Variants in PLCB1 observed in about 807,000 individuals in gnomAD.
The protein encoded by PLCB1 is phospholipase C beta 1, also known as 1-phosphatidylinositol 4,5-bisphosphate phosphodiesterase beta-1.
PLCB1 carries 46 observed loss-of-function variants against 161.8 expected under a neutral mutation model. The ratio of observed to expected loss-of-function variants is 0.28; its 90% CI spans 0.22 to 0.36. The LOEUF (loss-of-function observed/expected upper bound fraction) is 0.36. Among genes scored for constraint, PLCB1 ranks in the 10% least tolerant of loss-of-function variants. The probability of loss-of-function intolerance (pLI) is 1.00; values close to 1 mark genes in which losing one functional copy is unlikely to be tolerated. For synonymous variants in PLCB1, 517 were observed against 503.7 expected, an observed-to-expected ratio of 1.03 and a Z score of -0.35; for missense variants, 1,016 against 1,472.5, an observed-to-expected ratio of 0.69 and a Z score of 5.07.
In PLCB1 at chr20:8,770,195, G is replaced by A. The variant is rs572786420; in HGVS notation, c.2931-4344G>A. On this transcript the variant is annotated intron_variant, in intron 26 of 31. Coordinates refer to ENST00000338037, the MANE Select transcript of PLCB1 (RefSeq NM_015192.4). ...CCTCGATCTCCTGACCTCGTGATCC[G>A]CCCACCTCGGCCTCCCAAAGTGCTG... Among the ~76,000 whole-genome samples, 387 of 152,032 alleles carry A rather than the reference G, an allele frequency of 2.5e-3. 1 individual carries two copies. The highest frequency in any genetic ancestry group is 3.5e-3 in the Non-Finnish European group (238 of 67,974).
chr20:8,588,971 C>T (rs895120037), intron 3 of PLCB1, among the ~76,000 whole-genome samples: 4 of 152,142 alleles, frequency 2.6e-5, no homozygotes, highest in Admixed American at 1.3e-4. Context: ...AAACACATAT[C>T]GGACAAGACA....
chr20:8,516,618 G>A (rs960250822), intron 3 of PLCB1, among the ~76,000 whole-genome samples: 4 of 143,544 alleles, frequency 2.8e-5, no homozygotes, highest in Non-Finnish European at 6.0e-5. Context: ...CATTGGAATT[G>A]CATGGTTTCT....
intron 26 of PLCB1, among the ~76,000 whole-genome samples, chr20:8,771,201 T>G (rs1982660324): frequency 6.6e-6 from 1 of 152,236 alleles, no homozygotes; most frequent in South Asian, 2.1e-4. Context: ...TAAAAAAGAA[T>G]GTAAAATAGC....
At chr20:8,336,302 G>T (rs141380978) in intron 2 of PLCB1, among the ~76,000 whole-genome samples, 3 of 152,234 alleles carry the variant, frequency 2.0e-5, no homozygotes, top group African/African-American at 7.2e-5. Flanking sequence ...TTAATTATGC[G>T]TATATATTTA....
chr20:8,482,797 A>G (rs1012066571), intron 3 of PLCB1, among the ~76,000 whole-genome samples: 1 of 152,236 alleles, frequency 6.6e-6, no homozygotes, highest in Non-Finnish European at 1.5e-5. Context: ...GTAGATTTTG[A>G]AAACTTATGC....
At chr20:8,454,001 C>A (rs1247001796) in intron 3 of PLCB1, among the ~76,000 whole-genome samples, 2 of 152,168 alleles carry the variant, frequency 1.3e-5, no homozygotes, top group African/African-American at 4.8e-5. Flanking sequence ...ACTCTGTGCA[C>A]ACACAGAGGA....
At chr20:8,179,435 A>G (rs1276745954) in intron 2 of PLCB1, among the ~76,000 whole-genome samples, 1 of 152,018 alleles carries the variant, frequency 6.6e-6, no homozygotes, top group Non-Finnish European at 1.5e-5. Flanking sequence ...GGCTCTCAGC[A>G]TTGATATTGT....
intron 2 of PLCB1, among the ~76,000 whole-genome samples, chr20:8,272,296 A>G (rs1328452002): frequency 1.3e-5 from 2 of 152,140 alleles, no homozygotes; most frequent in Non-Finnish European, 2.9e-5. Flanking sequence ...GGATTAGACT[A>G]GGGTAATATT....
At chr20:8,852,377 G>C (rs1444997320) in intron 31 of PLCB1, among the ~76,000 whole-genome samples, 1 of 152,134 alleles carries the variant, frequency 6.6e-6, no homozygotes, top group African/African-American at 2.4e-5. Context: ...GTCCAATCCA[G>C]TCTGAGTCTA....
At chr20:8,640,635 G>T (rs1988922104) in intron 4 of PLCB1, among the ~76,000 whole-genome samples, 1 of 152,166 alleles carries the variant, frequency 6.6e-6, no homozygotes, top group Non-Finnish European at 1.5e-5. Flanking sequence ...ATGAAACTTT[G>T]GGGGTTCTGT....
At chr20:8,601,439 A>C (rs149682385) in intron 3 of PLCB1, among the ~76,000 whole-genome samples, 1 of 152,172 alleles carries the variant, frequency 6.6e-6, no homozygotes, top group East Asian at 1.9e-4. Context: ...TGTTCTCATT[A>C]TTTAGCTCCC....
Position 8,367,929 on chromosome 20 carries a change from C to T in PLCB1, c.178-3453C>T, listed in dbSNP as rs6516371. On this transcript the variant is annotated intron_variant, in intron 2 of 31. Transcript: ENST00000338037. Reference sequence around the variant, plus strand: ...GTGGGAGACACTATTTGAATCATCGCTTTGTAGCCAAATGAGTTCATGGAC... The same window carrying T: ...GTGGGAGACACTATTTGAATCATCGTTTTGTAGCCAAATGAGTTCATGGAC... 4.2e-3 allele frequency among the ~76,000 whole-genome samples: 644 copies of T among 152,262 alleles called. 4 individuals are homozygous for T. The highest frequency in any genetic ancestry group is 0.014 in the African/African-American group (602 of 41,544).
intron 3 of PLCB1, among the ~76,000 whole-genome samples, chr20:8,610,671 C>T (rs1244637559): frequency 6.6e-6 from 1 of 151,850 alleles, no homozygotes. Flanking sequence ...GTCTTTTTAC[C>T]TTCTTGATAG....
intron 31 of PLCB1, among the ~76,000 whole-genome samples, chr20:8,857,027 C>T (rs185383519): frequency 1.8e-4 from 28 of 152,240 alleles, no homozygotes; most frequent in African/African-American, 5.8e-4. Flanking sequence ...TGGTTGGACC[C>T]GCTTTCATGT....
intron 3 of PLCB1, among the ~76,000 whole-genome samples, chr20:8,580,579 G>GA (rs11483214): frequency 0.086 from 13,040 of 152,238 alleles, 979 homozygotes; most frequent in East Asian, 0.29. Context: ...TTTTGCAGGG[G>GA]AAGCAATAAG....
intron 3 of PLCB1, among the ~76,000 whole-genome samples, chr20:8,384,508 T>C (rs1008176826): frequency 1.3e-5 from 2 of 152,144 alleles, no homozygotes; most frequent in African/African-American, 4.8e-5. Flanking sequence ...ATCCATCTTC[T>C]GAAGCCTACT....
intron 31 of PLCB1, among the ~76,000 whole-genome samples, chr20:8,869,561 A>G (rs1987543628): frequency 6.6e-6 from 1 of 152,244 alleles, no homozygotes; most frequent in African/African-American, 2.4e-5. Flanking sequence ...AATGGTAAAC[A>G]ACTCATTTCA....
At chr20:8,833,977 G>A (rs765815849) in intron 31 of PLCB1, among the ~76,000 whole-genome samples, 2 of 151,414 alleles carry the variant, frequency 1.3e-5, no homozygotes, top group African/African-American at 2.4e-5. Context: ...GAAATCTTCA[G>A]AGCTCAGAAA....
At chr20:8,615,817 C>T (rs1189973718) in intron 3 of PLCB1, among the ~76,000 whole-genome samples, 3 of 151,796 alleles carry the variant, frequency 2.0e-5, no homozygotes, top group Non-Finnish European at 1.5e-5. Flanking sequence ...GTGTTCTATA[C>T]CATACCCTGG....
Sources: gnomAD v4.1 joint callset for allele counts (sites outside exome capture counted in the v4.1 genomes callset) on GRCh38, gnomAD v4.1.1 for gene constraint, MANE v1.5 for transcripts, NCBI Gene and HGNC (gene_info 2026-07-23, HGNC 2026-07-21) for gene names.